Variants in CPQ observed in about 807,000 individuals in gnomAD.
CPQ encodes carboxypeptidase Q, also known as Ser-Met dipeptidase.
A neutral mutation model predicts 45.7 loss-of-function variants in CPQ; 37 were observed. The ratio of observed to expected loss-of-function variants is 0.81; its 90% CI spans 0.62 to 1.07. The LOEUF (loss-of-function observed/expected upper bound fraction) is 1.07. Ranked by LOEUF, CPQ falls within the 50% of genes least tolerant of loss-of-function variation. CPQ has a pLI of 0.00. For synonymous variants in CPQ, 186 were observed against 205.8 expected (o/e 0.90, Z 0.82); for missense variants, 537 against 572.9 (o/e 0.94, Z 0.64).
At chr8:96,699,039 G>A (rs1283848580) in intron 1 of CPQ, among the ~76,000 whole-genome samples, 1 of 152,128 alleles carries the variant, frequency 6.6e-6, no homozygotes, top group Non-Finnish European at 1.5e-5. Flanking sequence ...TCCCATGTTT[G>A]TTGCAGCAGT....
intron 5 of CPQ, among the ~76,000 whole-genome samples, chr8:97,006,652 C>A (rs1322411103): frequency 6.6e-6 from 1 of 152,042 alleles, no homozygotes; most frequent in Non-Finnish European, 1.5e-5. Flanking sequence ...TGGGAACAAA[C>A]AAGAAAAAGT....
intron 4 of CPQ, among the ~76,000 whole-genome samples, chr8:96,891,001 A>G (rs895088256): frequency 6.6e-6 from 1 of 152,186 alleles, no homozygotes; most frequent in Non-Finnish European, 1.5e-5. Flanking sequence ...CCTGCAAAGT[A>G]TTGTCGCCTA....
chr8:96,956,003 C>T, intron 4 of CPQ, among the ~76,000 whole-genome samples: 1 of 152,090 alleles, frequency 6.6e-6, no homozygotes, highest in Admixed American at 6.6e-5. Context: ...GCAATGGCAA[C>T]AAAAGCCAAA....
chr8:96,679,466 C>T (rs1809121686), intron 1 of CPQ, among the ~76,000 whole-genome samples: 1 of 152,022 alleles, frequency 6.6e-6, no homozygotes, highest in Non-Finnish European at 1.5e-5. Context: ...TCCCTCTTCT[C>T]CAATTTTTTT....
At chr8:97,084,889 A>G (rs1811014975) in intron 7 of CPQ, among the ~76,000 whole-genome samples, 1 of 151,636 alleles carries the variant, frequency 6.6e-6, no homozygotes, top group Non-Finnish European at 1.5e-5. Context: ...ATTGAGCATA[A>G]AGGCTTTCTC....
At chr8:96,787,811 G>C (rs1209345368) in intron 2 of CPQ, among the ~76,000 whole-genome samples, 1 of 79,222 alleles carries the variant, frequency 1.3e-5, no homozygotes, top group Non-Finnish European at 3.2e-5. Flanking sequence ...AAATGTATCT[G>C]TTTTATCTAA....
chr8:96,719,996 T>C lies in CPQ; in HGVS notation c.-34-64868T>C, dbSNP rs142585063. ...CATTCAAAGGGTCTGTGGTTTCTTT[T>C]AGTTTTCCTGTTAAGTTCCTGTATT... On this transcript the variant is annotated intron_variant, in intron 1 of 7. Transcript: ENST00000220763. 3.8e-3 allele frequency among the ~76,000 whole-genome samples: 578 copies of C among 152,336 alleles called. 6 individuals are homozygous for C. The highest frequency in any genetic ancestry group is 0.013 in the African/African-American group (549 of 41,582).
At chr8:96,725,449 A>G (rs1012817253) in intron 1 of CPQ, among the ~76,000 whole-genome samples, 3 of 152,250 alleles carry the variant, frequency 2.0e-5, no homozygotes, top group Non-Finnish European at 4.4e-5. Flanking sequence ...TATCAAAAGA[A>G]GACAGACAAG....
At position 96,792,807 on chromosome 8, in the gene CPQ, A is replaced by G. The variant is rs185749058; in HGVS notation, c.433+7477A>G. 2.4e-3 allele frequency among the ~76,000 whole-genome samples: 360 copies of G among 152,288 alleles called. 4 individuals carry two copies. The highest frequency in any genetic ancestry group is 8.2e-3 in the African/African-American group (341 of 41,558). Reference sequence around the variant, plus strand: ...TGTATTAGTCTGTTCTCATGCTGCTATGAAGTAATACTAAGACAGGATAAT... The same window carrying G: ...TGTATTAGTCTGTTCTCATGCTGCTGTGAAGTAATACTAAGACAGGATAAT... On this transcript the variant is annotated intron_variant, in intron 2 of 7. Coordinates refer to ENST00000220763, the MANE Select transcript of CPQ (RefSeq NM_016134.4).
At chr8:96,982,765 A>C (rs1813927308) in intron 5 of CPQ, among the ~76,000 whole-genome samples, 1 of 152,192 alleles carries the variant, frequency 6.6e-6, no homozygotes, top group Non-Finnish European at 1.5e-5. Context: ...TAAATGCTGG[A>C]TATGTGATTC....
At chr8:96,935,671 A>G (rs1224652877) in intron 4 of CPQ, among the ~76,000 whole-genome samples, 3 of 152,170 alleles carry the variant, frequency 2.0e-5, no homozygotes, top group South Asian at 2.1e-4. Context: ...TGAGTATAAC[A>G]TGGAAATTTG....
intron 1 of CPQ, among the ~76,000 whole-genome samples, chr8:96,751,514 T>C (rs1401353996): frequency 6.6e-6 from 1 of 152,224 alleles, no homozygotes; most frequent in East Asian, 1.9e-4. Context: ...TTTGTTTAAG[T>C]TCTTTGTAGA....
chr8:96,977,260 T>G (rs568913974), intron 5 of CPQ, among the ~76,000 whole-genome samples: 1 of 149,700 alleles, frequency 6.7e-6, no homozygotes, highest in African/African-American at 2.5e-5. Context: ...TCACTAATAA[T>G]GAGGGAAATG....
intron 7 of CPQ, among the ~76,000 whole-genome samples, chr8:97,069,395 G>A (rs1440613308): frequency 6.6e-6 from 1 of 151,436 alleles, no homozygotes; most frequent in African/African-American, 2.4e-5. Context: ...TTGGGAGGCT[G>A]CAAGGTGGGA....
chr8:96,982,667 G>A (rs1010245857), intron 5 of CPQ, among the ~76,000 whole-genome samples: 2 of 152,174 alleles, frequency 1.3e-5, no homozygotes, highest in African/African-American at 4.8e-5. Context: ...TTAAATTGAT[G>A]TGAAGATGGT....
chr8:96,712,835 A>G, intron 1 of CPQ, among the ~76,000 whole-genome samples: 1 of 152,174 alleles, frequency 6.6e-6, no homozygotes, highest in African/African-American at 2.4e-5. Context: ...GCCCCTTGTT[A>G]CTTTTGCAAG....
At chr8:96,940,798 A>T (rs1432225695) in intron 4 of CPQ, among the ~76,000 whole-genome samples, 1 of 152,136 alleles carries the variant, frequency 6.6e-6, no homozygotes, top group Non-Finnish European at 1.5e-5. Flanking sequence ...TTATTACTGG[A>T]GTTAGTCTTC....
At chr8:96,965,275 T>A (rs1208211914) in intron 4 of CPQ, among the ~76,000 whole-genome samples, 1 of 152,088 alleles carries the variant, frequency 6.6e-6, no homozygotes, top group African/African-American at 2.4e-5. Context: ...CAGTTACGAA[T>A]GTGGTTGAAG....
intron 5 of CPQ, among the ~76,000 whole-genome samples, chr8:97,023,920 TATGGCAC>T (rs1236348257): frequency 6.6e-6 from 1 of 152,210 alleles, no homozygotes; most frequent in African/African-American, 2.4e-5. Flanking sequence ...GTGTCTGCTA[TATGGCAC>T]CATTTGCACA....
Sources: gnomAD v4.1 joint callset for allele counts (sites outside exome capture counted in the v4.1 genomes callset) on GRCh38, gnomAD v4.1.1 for gene constraint, MANE v1.5 for transcripts, NCBI Gene and HGNC (gene_info 2026-07-23, HGNC 2026-07-21) for gene names.